Variants in TGFBR2 observed in about 807,000 individuals in gnomAD.
TGFBR2 encodes the protein TGF-beta receptor type-2.
TGFBR2 carries 18 observed loss-of-function variants against 49.0 expected under a neutral mutation model. The ratio of observed to expected loss-of-function variants is 0.37; its 90% CI spans 0.25 to 0.54. The LOEUF (loss-of-function observed/expected upper bound fraction) is 0.54. Among genes scored for constraint, TGFBR2 ranks in the 20% least tolerant of loss-of-function variants. The pLI is 0.85. For missense variants in TGFBR2, 525 were observed against 722.6 expected (o/e 0.73, Z 3.13); for synonymous variants, 282 against 275.9 (o/e 1.02, Z -0.22).
chr3:30,680,103 C>T (rs555439156), intron 5 of TGFBR2, among the ~76,000 whole-genome samples: 8 of 152,004 alleles, frequency 5.3e-5, no homozygotes, highest in South Asian at 2.1e-4. Flanking sequence ...CTAGCCTGGG[C>T]GACAGAGCGA....
At chr3:30,624,446 T>A (rs1303070014) in intron 1 of TGFBR2, among the ~76,000 whole-genome samples, 1 of 151,800 alleles carries the variant, frequency 6.6e-6, no homozygotes, top group African/African-American at 2.4e-5. Flanking sequence ...TGAAACCCCG[T>A]CTCTACTAAA....
intron 3 of TGFBR2, 130 bp downstream of exon 3, chr3:30,650,590 C>T (rs1698864909): frequency 5.9e-6 from 6 of 1,017,832 alleles, no homozygotes; most frequent in East Asian, 4.9e-5. Context: ...GCTCATTCAG[C>T]TGGTGGAAAG....
chr3:30,688,817 G>T (rs999036268), intron 6 of TGFBR2, among the ~76,000 whole-genome samples: 8 of 152,180 alleles, frequency 5.3e-5, no homozygotes, highest in African/African-American at 1.9e-4. Context: ...TTACTCCTGG[G>T]CCTTCACGTC....
At position 30,635,109 on chromosome 3, in the gene TGFBR2, A is replaced by C. The variant is rs548562533; in HGVS notation, c.95-9638A>C. On this transcript the variant is annotated intron_variant, in intron 1 of 6. Coordinates refer to ENST00000295754, the MANE Select transcript of TGFBR2 (RefSeq NM_003242.6). ...TACTATAAACTGCTTGCTTCTCCCC[A>C]GCTTTCAGAAATTTGTTTTATTCAC... Among the ~76,000 whole-genome samples the C allele has an allele frequency of 7.2e-5, 11 of 152,328 alleles. No homozygotes were observed. In the South Asian group the frequency reaches 2.3e-3, roughly 32 times the overall value.
chr3:30,678,559 A>AAAG, intron 5 of TGFBR2, among the ~76,000 whole-genome samples: 1 of 151,602 alleles, frequency 6.6e-6, no homozygotes, highest in East Asian at 1.9e-4. Flanking sequence ...AAAAAAAAAA[A>AAAG]AAAAAAAAAG....
In TGFBR2 at chr3:30,677,429, A is replaced by G. The variant is rs543052061; in HGVS notation, c.1396+3183A>G. On this transcript the variant is annotated intron_variant, in intron 5 of 6. Coordinates refer to ENST00000295754, the MANE Select transcript of TGFBR2 (RefSeq NM_003242.6). Reference sequence around the variant, plus strand: ...CGTTTGATCTTAAGCCCACAGTCCTATTTCTCCCATCTTTGCTCGGGCTGC... The same window carrying G: ...CGTTTGATCTTAAGCCCACAGTCCTGTTTCTCCCATCTTTGCTCGGGCTGC... Among the ~76,000 whole-genome samples the G allele has an allele frequency of 2.0e-4, 30 of 152,214 alleles. No individual in the cohort carries two copies. In the South Asian group the frequency reaches 6.2e-3, roughly 32 times the overall value.
intron 1 of TGFBR2, among the ~76,000 whole-genome samples, chr3:30,625,420 C>G (rs1288560743): frequency 1.3e-5 from 2 of 152,180 alleles, no homozygotes; most frequent in African/African-American, 2.4e-5. Context: ...GATATGCTTT[C>G]TCACATTTGT....
intron 1 of TGFBR2, among the ~76,000 whole-genome samples, chr3:30,618,398 TTTG>T (rs1249571645): frequency 2.0e-5 from 3 of 151,834 alleles, no homozygotes; most frequent in South Asian, 2.1e-4. Context: ...CTTGACTAAT[TTTG>T]TTGTTGTTGT....
chr3:30,671,922 G>C lies in TGFBR2; in HGVS notation c.739G>C (p.Asp247His), dbSNP rs2125434168. The C allele has an allele frequency of 1.2e-6, 2 of 1,614,188 alleles. No homozygotes were observed. Among genetic ancestry groups the C allele is most frequent in the Non-Finnish European group, 1.7e-6 (2 of 1,180,038 alleles). ...HNTELLPIELDTLVGKGRFAE... is the reference protein window; with the variant it reads ...HNTELLPIELHTLVGKGRFAE... ...CACAGAGCTGCTGCCCATTGAGCTG[G>C]ACACCCTGGTGGGGAAAGGTCGCTT... Residue 247 changes from aspartate (D) to histidine (H), a missense_variant, in exon 4 of 7, where the codon GAC (aspartate) becomes CAC (histidine). Physicochemically the swap from Asp to His is moderately conservative, Grantham distance 81. This residue lies in a region of TGFBR2 where 376 missense variants were observed against 478.2 expected (regional missense o/e 0.79). Coordinates refer to ENST00000295754, the MANE Select transcript of TGFBR2 (RefSeq NM_003242.6).
chr3:30,640,278 A>T (rs913331091), intron 1 of TGFBR2, among the ~76,000 whole-genome samples: 1 of 152,154 alleles, frequency 6.6e-6, no homozygotes, highest in Non-Finnish European at 1.5e-5. Flanking sequence ...AGATATTCTT[A>T]TTGGAACTTC....
At chr3:30,668,232 C>T (rs548768913) in intron 3 of TGFBR2, among the ~76,000 whole-genome samples, 1 of 152,266 alleles carries the variant, frequency 6.6e-6, no homozygotes, top group South Asian at 2.1e-4. Context: ...CCCCATTCTG[C>T]CCCAGGTGCT....
chr3:30,687,792 T>C (rs1336004736), intron 5 of TGFBR2, among the ~76,000 whole-genome samples: 1 of 152,228 alleles, frequency 6.6e-6, no homozygotes, highest in Admixed American at 6.5e-5. Flanking sequence ...TGTCTCTGAA[T>C]ATACCTGTAC....
chr3:30,611,016 A>G (rs1418888771), intron 1 of TGFBR2, among the ~76,000 whole-genome samples: 1 of 152,218 alleles, frequency 6.6e-6, no homozygotes, highest in Non-Finnish European at 1.5e-5. Flanking sequence ...TTCTTGAGGA[A>G]ACCTGCTTTG....
At chr3:30,679,652 C>T (rs1277168285) in intron 5 of TGFBR2, among the ~76,000 whole-genome samples, 3 of 152,204 alleles carry the variant, frequency 2.0e-5, no homozygotes. Context: ...ATTTAATCTA[C>T]CAAAACTCTT....
At chr3:30,636,155 ATGTGTGTG>A (rs61296907) in intron 1 of TGFBR2, among the ~76,000 whole-genome samples, 3,147 of 134,648 alleles carry the variant, frequency 0.023, 48 homozygotes, top group Non-Finnish European at 0.031. Context: ...ATATATATGT[ATGTGTGTG>A]TGTGTGTGTG....
rs58305316 is a variant in TGFBR2, at chr3:30,648,026, A to G, written c.264-2244A>G. The stretch of plus-strand genomic sequence containing the variant: ...GTTCTTCTTTCAGTGGAAATTGACA[A>G]CCTCTTCAGTGGCTCAGAGCAAATG... On this transcript the variant is annotated intron_variant, in intron 2 of 6. Coordinates refer to ENST00000295754, the MANE Select transcript of TGFBR2 (RefSeq NM_003242.6). 3.2e-3 allele frequency among the ~76,000 whole-genome samples: 482 copies of G among 152,092 alleles called. 3 individuals carry two copies. The highest frequency in any genetic ancestry group is 0.011 in the African/African-American group (443 of 41,468).
chr3:30,644,720 A>C, intron 1 of TGFBR2, 27 bp from the exon 2 acceptor site: 1 of 1,611,446 alleles, frequency 6.2e-7, no homozygotes. Context: ...TTGGATAATC[A>C]TTTAATATAT....
chr3:30,669,288 C>G (rs544413353), intron 3 of TGFBR2, among the ~76,000 whole-genome samples: 34 of 151,668 alleles, frequency 2.2e-4, no homozygotes, highest in African/African-American at 7.5e-4. Flanking sequence ...AAGAAAGTAT[C>G]AGATGCTGAA....
intron 5 of TGFBR2, among the ~76,000 whole-genome samples, chr3:30,679,855 T>A (rs1699509083): frequency 6.6e-6 from 1 of 152,198 alleles, no homozygotes. Flanking sequence ...CATGTACAGG[T>A]ACAGGCTCAC....
Sources: allele counts gnomAD v4.1 joint callset (sites outside exome capture counted in the v4.1 genomes callset), GRCh38; gene constraint gnomAD v4.1.1; regional missense constraint gnomAD v4.1.1; transcripts MANE v1.5; gene names NCBI Gene and HGNC (gene_info 2026-07-23, HGNC 2026-07-21).